THSD4: variants seen among roughly 807,000 people sequenced by gnomAD.
The protein encoded by THSD4 is thrombospondin type 1 domain containing 4, also known as thrombospondin type-1 domain-containing protein 4.
In THSD4, 69 loss-of-function variants were observed where a neutral mutation model predicts 119.0. The observed-to-expected ratio is 0.58, with a 90% CI of 0.48 to 0.71. The LOEUF is 0.71. Among genes scored for constraint, THSD4 ranks in the 30% least tolerant of loss-of-function variants. THSD4 has a pLI of 0.00. For synonymous variants in THSD4, 524 were observed against 540.4 expected (o/e 0.97, Z 0.42); for missense variants, 1,393 against 1,391.1 (o/e 1.00, Z -0.02).
intron 7 of THSD4, among the ~76,000 whole-genome samples, chr15:71,605,550 G>A (rs1335435908): frequency 6.6e-6 from 1 of 152,224 alleles, no homozygotes; most frequent in Non-Finnish European, 1.5e-5. Flanking sequence ...CCACATGGCA[G>A]CAGTGGCAGT....
chr15:71,177,860 A>G (rs1162057653), intron 3 of THSD4, among the ~76,000 whole-genome samples: 1 of 151,456 alleles, frequency 6.6e-6, no homozygotes, highest in Non-Finnish European at 1.5e-5. Context: ...AACATAATCC[A>G]GCCTATAAAC....
At chr15:71,348,892 G>T (rs942572163) in intron 6 of THSD4, among the ~76,000 whole-genome samples, 8 of 152,260 alleles carry the variant, frequency 5.3e-5, no homozygotes, top group Non-Finnish European at 1.2e-4. Context: ...AAGGGAAGCA[G>T]TGGTCTCATT....
At chr15:71,689,772 C>T (rs2052007059) in intron 8 of THSD4, among the ~76,000 whole-genome samples, 1 of 152,194 alleles carries the variant, frequency 6.6e-6, no homozygotes. Flanking sequence ...AGTGCCAGCA[C>T]CTCTTCTGGA....
chr15:71,404,697 C>G (rs1164321094), intron 6 of THSD4, among the ~76,000 whole-genome samples: 1 of 152,146 alleles, frequency 6.6e-6, no homozygotes, highest in African/African-American at 2.4e-5. Flanking sequence ...CTTGAGTAAG[C>G]TCCCTTGCCT....
At chr15:71,681,549 C>T (rs1055418416) in intron 8 of THSD4, among the ~76,000 whole-genome samples, 1 of 151,802 alleles carries the variant, frequency 6.6e-6, no homozygotes, top group Non-Finnish European at 1.5e-5. Flanking sequence ...TGGTGGCGAG[C>T]CTATAATCCC....
At chr15:71,712,378 A>G (rs752879978) in intron 8 of THSD4, among the ~76,000 whole-genome samples, 5 of 152,214 alleles carry the variant, frequency 3.3e-5, no homozygotes, top group African/African-American at 7.2e-5. Context: ...AGCAGTGCTT[A>G]GCAGAAATCT....
chr15:71,777,310 C>A lies in THSD4; in HGVS notation c.2993C>A (p.Thr998Asn). Reference protein sequence around the residue: ...ARLCVYNYYKTACCASCTRVA... With the variant: ...ARLCVYNYYKNACCASCTRVA... The stretch of plus-strand genomic sequence containing the variant: ...CTCTGTGTCTACAACTACTACAAGA[C>A]CGCCTGCTGTGCCTCCTGCACCCGT... The change falls in exon 18 of 18, where the codon ACC becomes AAC. Residue 998 changes from threonine (T) to asparagine (N), a missense_variant. Transcript: ENST00000261862. The A allele has an allele frequency of 6.2e-7, 1 of 1,614,242 alleles. No individual in the cohort carries two copies. Among genetic ancestry groups the A allele is most frequent in the Non-Finnish European group, 8.5e-7 (1 of 1,180,036 alleles).
intron 7 of THSD4, among the ~76,000 whole-genome samples, chr15:71,633,314 T>TGCCCAGG (rs2140949158): frequency 6.8e-6 from 1 of 147,122 alleles, no homozygotes; most frequent in Non-Finnish European, 1.5e-5. Flanking sequence ...CTCACTCTGT[T>TGCCCAGG]GCCCAGGCTG....
chr15:71,291,851 CCTTAGT>C (rs2140325968), intron 6 of THSD4, among the ~76,000 whole-genome samples: 1 of 152,166 alleles, frequency 6.6e-6, no homozygotes, highest in South Asian at 2.1e-4. Context: ...GGCCTCCTAC[CCTTAGT>C]CTTCCACCCT....
chr15:71,323,867 T>G (rs2045306472), intron 6 of THSD4, among the ~76,000 whole-genome samples: 1 of 152,234 alleles, frequency 6.6e-6, no homozygotes. Context: ...CTGCTACTAT[T>G]ATGGTTTCCA....
At chr15:71,285,016 G>GTGT (rs780580185) in intron 6 of THSD4, among the ~76,000 whole-genome samples, 6 of 152,052 alleles carry the variant, frequency 3.9e-5, no homozygotes, top group Non-Finnish European at 8.8e-5. Context: ...TTTTTTGAGT[G>GTGT]TGTTGTTCTC....
intron 8 of THSD4, among the ~76,000 whole-genome samples, chr15:71,675,700 A>G (rs1337769558): frequency 6.6e-6 from 1 of 152,170 alleles, no homozygotes; most frequent in African/African-American, 2.4e-5. Context: ...ACAAGGTGGG[A>G]ACTAATGTCA....
intron 7 of THSD4, among the ~76,000 whole-genome samples, chr15:71,640,535 C>T (rs1286030290): frequency 6.6e-6 from 1 of 152,148 alleles, no homozygotes; most frequent in Non-Finnish European, 1.5e-5. Context: ...AGGCCACTGA[C>T]CCACATGACT....
intron 7 of THSD4, among the ~76,000 whole-genome samples, chr15:71,443,742 C>T (rs893196527): frequency 5.9e-5 from 9 of 152,202 alleles, no homozygotes; most frequent in African/African-American, 2.2e-4. Flanking sequence ...AAGCTGTATC[C>T]TGACCCCATT....
intron 7 of THSD4, among the ~76,000 whole-genome samples, chr15:71,471,478 G>A (rs1031073960): frequency 1.3e-5 from 2 of 152,006 alleles, no homozygotes; most frequent in African/African-American, 2.4e-5. Flanking sequence ...TAAGGATACA[G>A]TGTGCCCCTC....
intron 6 of THSD4, among the ~76,000 whole-genome samples, chr15:71,334,940 A>G (rs1223190668): frequency 1.3e-5 from 2 of 152,188 alleles, no homozygotes; most frequent in African/African-American, 2.4e-5. Context: ...GACTATGGCT[A>G]AGTGACACAC....
chr15:71,460,128 A>AC (rs2047407157), intron 7 of THSD4, among the ~76,000 whole-genome samples: 1 of 152,070 alleles, frequency 6.6e-6, no homozygotes, highest in Non-Finnish European at 1.5e-5. Flanking sequence ...CCACGATACC[A>AC]GTGGTAATTC....
intron 3 of THSD4, among the ~76,000 whole-genome samples, chr15:71,197,825 C>T (rs2043733440): frequency 6.6e-6 from 1 of 152,106 alleles, no homozygotes; most frequent in Admixed American, 6.5e-5. Context: ...CCTTACTGGG[C>T]TCTGGGAAGT....
At chr15:71,109,531 G>C (rs1210870016) in intron 1 of THSD4, among the ~76,000 whole-genome samples, 3 of 152,148 alleles carry the variant, frequency 2.0e-5, no homozygotes, top group Non-Finnish European at 4.4e-5. Context: ...TCTCCCAACA[G>C]GTATAATTAG....
Sources: gnomAD v4.1 joint callset for allele counts (sites outside exome capture counted in the v4.1 genomes callset) on GRCh38, gnomAD v4.1.1 for gene constraint, MANE v1.5 for transcripts, NCBI Gene and HGNC (gene_info 2026-07-23, HGNC 2026-07-21) for gene names.